Variants in CSMD3 observed in about 807,000 individuals in gnomAD.
CSMD3 encodes the protein CUB and sushi domain-containing protein 3.
Under a neutral mutation model 435.2 loss-of-function variants are expected in CSMD3, and 177 were observed. The ratio of observed to expected loss-of-function variants is 0.41; its 90% CI spans 0.36 to 0.46. CSMD3 has a LOEUF of 0.46. Ranked by LOEUF, CSMD3 falls within the 20% of genes least tolerant of loss-of-function variation. The probability of loss-of-function intolerance (pLI) is 0.34; values close to 1 mark genes in which losing one functional copy is unlikely to be tolerated. For synonymous variants in CSMD3, 1,656 were observed against 1,520.5 expected, an observed-to-expected ratio of 1.09 and a Z score of -2.07; for missense variants, 4,265 against 4,504.6, an observed-to-expected ratio of 0.95 and a Z score of 1.52.
chr8:112,356,092 A>G (rs1040687857), intron 38 of CSMD3, among the ~76,000 whole-genome samples: 3 of 152,168 alleles, frequency 2.0e-5, no homozygotes, highest in Non-Finnish European at 2.9e-5. Context: ...GTGGGAATGT[A>G]AATTAGTTCA....
intron 4 of CSMD3, among the ~76,000 whole-genome samples, chr8:113,108,351 C>T (rs1227507029): frequency 6.6e-6 from 1 of 151,628 alleles, no homozygotes; most frequent in African/African-American, 2.4e-5. Context: ...TTGCTTGAAC[C>T]CGGGAGGTGG....
intron 5 of CSMD3, among the ~76,000 whole-genome samples, chr8:113,029,562 A>T (rs2087004150): frequency 1.3e-5 from 2 of 151,648 alleles, no homozygotes; most frequent in African/African-American, 4.8e-5. Flanking sequence ...AAAACATTCA[A>T]CAAGATCCAG....
At chr8:113,083,729 A>G (rs761926835) in intron 5 of CSMD3, among the ~76,000 whole-genome samples, 3 of 152,176 alleles carry the variant, frequency 2.0e-5, no homozygotes, top group Non-Finnish European at 4.4e-5. Flanking sequence ...AAAATTTTCA[A>G]TTGAAAGGTA....
At chr8:113,010,329 T>C (rs960554706) in intron 6 of CSMD3, among the ~76,000 whole-genome samples, 4 of 151,810 alleles carry the variant, frequency 2.6e-5, no homozygotes, top group Non-Finnish European at 5.9e-5. Context: ...GGAAGTGATA[T>C]AAGCCCTGAA....
intron 3 of CSMD3, among the ~76,000 whole-genome samples, chr8:113,232,092 GA>G (rs1563579350): frequency 6.6e-6 from 1 of 151,354 alleles, no homozygotes. Flanking sequence ...TCTCATTACT[GA>G]AAAGTTTTGA....
At chr8:112,974,908 G>A (rs2084790157) in intron 7 of CSMD3, among the ~76,000 whole-genome samples, 1 of 151,494 alleles carries the variant, frequency 6.6e-6, no homozygotes, top group Non-Finnish European at 1.5e-5. Context: ...AAAAACCATA[G>A]CCAGTTTAGA....
intron 12 of CSMD3, among the ~76,000 whole-genome samples, chr8:112,811,499 C>T (rs2079227618): frequency 6.6e-6 from 1 of 152,186 alleles, no homozygotes; most frequent in African/African-American, 2.4e-5. Flanking sequence ...AGATTGTATC[C>T]TGTCTTCCTG....
chr8:113,182,976 C>T (rs1486942796), intron 3 of CSMD3, among the ~76,000 whole-genome samples: 5 of 151,988 alleles, frequency 3.3e-5, no homozygotes, highest in Non-Finnish European at 5.9e-5. Flanking sequence ...GGTTACAATA[C>T]ATAACCCCAT....
chr8:112,468,956 C>T (rs1258169541), intron 32 of CSMD3, among the ~76,000 whole-genome samples: 1 of 151,906 alleles, frequency 6.6e-6, no homozygotes, highest in African/African-American at 2.4e-5. Context: ...CAGTGATGCT[C>T]ATGAAAACAT....
At chr8:112,810,363 T>C (rs147643888) in intron 12 of CSMD3, among the ~76,000 whole-genome samples, 51 of 110,124 alleles carry the variant, frequency 4.6e-4, no homozygotes, top group African/African-American at 1.8e-3. Flanking sequence ...TAATTTAGAA[T>C]GAAAAACATC....
In CSMD3 at chr8:112,679,375, G is replaced by A. The variant is rs117702903; in HGVS notation, c.2677+3067C>T. Among the ~76,000 whole-genome samples the A allele has an allele frequency of 4.0e-3, 612 of 152,152 alleles. 14 individuals are homozygous for A. In the East Asian group the frequency reaches 0.073, roughly 18 times the overall value. On this transcript the variant is annotated intron_variant, in intron 16 of 70. Coordinates refer to ENST00000297405, the MANE Select transcript of CSMD3 (RefSeq NM_198123.2). ...GCCCACTCCAGTTCTGCCTTCCTTG[G>A]CTCCAACCTCATCCTTAGTGATGTT...
At chr8:113,138,557 T>A (rs1056817587) in intron 4 of CSMD3, among the ~76,000 whole-genome samples, 1 of 151,424 alleles carries the variant, frequency 6.6e-6, no homozygotes, top group African/African-American at 2.4e-5. Context: ...TTAATAAAAC[T>A]TCAATGCTTT....
At chr8:113,026,846 A>T (rs1318804544) in intron 5 of CSMD3, among the ~76,000 whole-genome samples, 1 of 152,132 alleles carries the variant, frequency 6.6e-6, no homozygotes, top group East Asian at 1.9e-4. Flanking sequence ...TTGTTTTCTG[A>T]ATATGAAAAG....
chr8:112,634,470 G>T (rs1375292802), intron 22 of CSMD3, among the ~76,000 whole-genome samples: 1 of 151,940 alleles, frequency 6.6e-6, no homozygotes, highest in African/African-American at 2.4e-5. Flanking sequence ...TGAATTAATT[G>T]TAAATTTTAA....
chr8:112,437,297 C>A (rs1586321211), intron 32 of CSMD3, among the ~76,000 whole-genome samples: 1 of 152,120 alleles, frequency 6.6e-6, no homozygotes, highest in South Asian at 2.1e-4. Context: ...TTCCAACAAG[C>A]AAACACATTT....
intron 32 of CSMD3, among the ~76,000 whole-genome samples, chr8:112,448,212 A>G (rs1815839589): frequency 1.3e-5 from 2 of 152,168 alleles, no homozygotes. Flanking sequence ...CAGTAGAGAG[A>G]GAACATTGAT....
intron 4 of CSMD3, among the ~76,000 whole-genome samples, chr8:113,114,826 A>T (rs2090774385): frequency 6.6e-6 from 1 of 152,242 alleles, no homozygotes; most frequent in African/African-American, 2.4e-5. Context: ...GAGAAAAATC[A>T]TACCCTAATC....
At chr8:112,295,250 T>C (rs1820151897) in intron 54 of CSMD3, among the ~76,000 whole-genome samples, 1 of 152,150 alleles carries the variant, frequency 6.6e-6, no homozygotes, top group Non-Finnish European at 1.5e-5. Flanking sequence ...ACACTCTCTA[T>C]ATAAGGGAAT....
intron 1 of CSMD3, among the ~76,000 whole-genome samples, chr8:113,364,017 A>G (rs538158983): frequency 6.6e-6 from 1 of 152,224 alleles, no homozygotes; most frequent in African/African-American, 2.4e-5. Flanking sequence ...ATTTAGTTCT[A>G]TGATCTTTTT....
Sources: allele counts gnomAD v4.1 joint callset (sites outside exome capture counted in the v4.1 genomes callset), GRCh38; gene constraint gnomAD v4.1.1; transcripts MANE v1.5; gene names NCBI Gene and HGNC (gene_info 2026-07-23, HGNC 2026-07-21).